The following NTPCR variants were observed in gnomAD, a reference collection of about 807,000 sequenced individuals.
NTPCR encodes the protein nucleoside-triphosphatase, cancer-related, also known as cancer-related nucleoside-triphosphatase.
A neutral mutation model predicts 19.5 loss-of-function variants in NTPCR; 15 were observed. The ratio of observed to expected loss-of-function variants is 0.77; its 90% confidence interval spans 0.51 to 1.18. The LOEUF (loss-of-function observed/expected upper bound fraction) is 1.18. NTPCR is among the 50% of genes most tolerant of loss of function. The pLI is 0.00. For synonymous variants in NTPCR, 90 were observed against 95.8 expected (o/e 0.94, Z 0.36); for missense variants, 206 against 240.4 (o/e 0.86, Z 0.95).
intron 1 of NTPCR, among the ~76,000 whole-genome samples, chr1:232,955,237 A>G (rs1384473697): frequency 6.6e-6 from 1 of 152,204 alleles, no homozygotes; most frequent in South Asian, 2.1e-4. Flanking sequence ...TGCAAATGGC[A>G]TGGGAGAATA....
Position 232,955,579 on chromosome 1 carries a change from C to G in NTPCR, c.57C>G (p.Ile19Met), listed in dbSNP as rs1386923764. ...TAGGAGTTGGAAAAACAACATTGATCCATAAAGCCAGTGAGGTTTTAAAAT... is the reference window on the plus strand; with the variant it reads ...TAGGAGTTGGAAAAACAACATTGATGCATAAAGCCAGTGAGGTTTTAAAAT... ...GPPGVGKTTL[I>M]HKASEVLKSS... is the part of the protein sequence containing the mutation. Residue 19 changes from isoleucine (I) to methionine (M), a missense_variant, in exon 2 of 5, where the codon ATC (isoleucine) becomes ATG (methionine). Physicochemically the swap from Ile to Met is conservative, Grantham distance 10. Transcript: ENST00000366628. The G allele has an allele frequency of 6.3e-7, 1 of 1,591,398 alleles. No homozygotes were observed. Among genetic ancestry groups the G allele is most frequent in the South Asian group, 1.1e-5 (1 of 87,958 alleles).
At chr1:232,964,861 T>C (rs1668768944) in intron 3 of NTPCR, 1 of 152,198 alleles carries the variant, frequency 6.6e-6, no homozygotes, top group Non-Finnish European at 1.5e-5. Flanking sequence ...GCTTAAATAT[T>C]GATGAAAATT....
intron 1 of NTPCR, among the ~76,000 whole-genome samples, chr1:232,952,182 C>CCA (rs1478827065): frequency 2.0e-5 from 3 of 152,086 alleles, no homozygotes; most frequent in African/African-American, 7.2e-5. Context: ...CACAACAGAG[C>CCA]CACATAGTAA....
chr1:232,960,533 G>A (rs573841716), intron 3 of NTPCR, among the ~76,000 whole-genome samples: 72 of 151,848 alleles, frequency 4.7e-4, no homozygotes, highest in African/African-American at 1.7e-3. Context: ...TAGTAGAGAC[G>A]GGGTTTCACC....
chr1:232,961,261 C>G (rs1668662755), intron 3 of NTPCR, among the ~76,000 whole-genome samples: 1 of 152,194 alleles, frequency 6.6e-6, no homozygotes, highest in Non-Finnish European at 1.5e-5. Flanking sequence ...TTTTCTCTAG[C>G]CATGATTGTT....
intron 3 of NTPCR, chr1:232,966,905 A>C (rs1239557006): frequency 6.6e-6 from 1 of 152,366 alleles, no homozygotes; most frequent in African/African-American, 2.4e-5. Flanking sequence ...GGTGCTCCCC[A>C]GTTGGTGTGT....
intron 4 of NTPCR, among the ~76,000 whole-genome samples, chr1:232,973,211 T>C (rs572686974): frequency 2.0e-5 from 3 of 152,284 alleles, no homozygotes; most frequent in Non-Finnish European, 4.4e-5. Context: ...GTGAACAGAG[T>C]ACTTTCCAAT....
At chr1:232,964,926 A>G (rs1230195798) in intron 3 of NTPCR, 1 of 152,168 alleles carries the variant, frequency 6.6e-6, no homozygotes, top group Non-Finnish European at 1.5e-5. Flanking sequence ...ACTGGCAGGA[A>G]GGTGGACATA....
At position 232,979,519 on chromosome 1, in the gene NTPCR, C is replaced by G. The variant is rs1366907612; in HGVS notation, c.*1288C>G. On this transcript the variant is annotated 3_prime_UTR_variant, in exon 5 of 5. Transcript: ENST00000366628. The surrounding 1 kb of genome is among the most constrained non-coding windows in gnomAD (Gnocchi z 5.3). ...TTTCTTCCGAGGTAACTTTGTGAAGCTTGACTTGGACTTGCCTAGCCTTGG... is the reference window on the plus strand; with the variant it reads ...TTTCTTCCGAGGTAACTTTGTGAAGGTTGACTTGGACTTGCCTAGCCTTGG... 6.6e-6 allele frequency: 1 copy of G among 152,398 alleles called. No individual in the cohort carries two copies. The allele number at this position is 152,398 out of a possible 1,614,324, so 9.4% of individuals were successfully genotyped here.
At chr1:232,972,545 C>T (rs1177033009) in intron 4 of NTPCR, among the ~76,000 whole-genome samples, 1 of 152,194 alleles carries the variant, frequency 6.6e-6, no homozygotes, top group Non-Finnish European at 1.5e-5. Context: ...TCCACCTCAG[C>T]CTCCCAAAAA....
chr1:232,955,519 G>A (rs1202372967), intron 1 of NTPCR, 38 bp from the exon 2 acceptor site: 4 of 1,465,406 alleles, frequency 2.7e-6, no homozygotes, highest in African/African-American at 1.5e-5. Flanking sequence ...GTTTCCTAAT[G>A]GGCTTTTCTT....
intron 4 of NTPCR, chr1:232,976,573 C>CA: frequency 1.4e-6 from 2 of 1,475,774 alleles, no homozygotes; most frequent in Non-Finnish European, 1.8e-6. Flanking sequence ...AAAACAGCAT[C>CA]AAAAAGCCTT....
Position 232,970,041 on chromosome 1 carries a change from A to G in NTPCR, c.427A>G (p.Thr143Ala), listed in dbSNP as rs758491590. 4 of 1,614,146 alleles carry G rather than the reference A, an allele frequency of 2.5e-6. No homozygotes were observed. The highest frequency in any genetic ancestry group is 3.4e-6 in the Non-Finnish European group (4 of 1,179,990). ...TACCCCAGGGACTATAATCCTTGGC[A>G]CAATCCCAGTTCCTAAAGGAAAGCC... is the stretch of plus-strand genomic sequence containing the variant. Reference protein sequence around the residue: ...LSTPGTIILGTIPVPKGKPLA... With the variant: ...LSTPGTIILGAIPVPKGKPLA... Residue 143 changes from threonine (T) to alanine (A), a missense_variant, in exon 4 of 5, where the codon ACA becomes GCA. Thr to Ala is a moderately conservative substitution (Grantham distance 58, BLOSUM62 0). Transcript: ENST00000366628.
In NTPCR at chr1:232,956,429, C is replaced by T. The variant is rs1487598586; in HGVS notation, c.280C>T (p.Pro94Ser). 6.2e-7 allele frequency: 1 copy of T among 1,611,126 alleles called. No individual in the cohort carries two copies. The highest frequency in any genetic ancestry group is 2.2e-5 in the East Asian group (1 of 44,884). ...GACTTCTTTTGAGCAGTTGGCACTA[C>T]CCGTCTTGAGGAATGTGAGTACGTG... ...DLTSFEQLAL[P>S]VLRNADCSSG... The change falls in exon 3 of 5, where the codon CCC becomes TCC. Residue 94 changes from proline to serine, a missense_variant. Pro to Ser is a moderately conservative substitution (Grantham distance 74). Coordinates refer to ENST00000366628, the MANE Select transcript of NTPCR (RefSeq NM_032324.3).
In NTPCR at chr1:232,981,944, C is replaced by T. The variant is rs538140900; in HGVS notation, c.*3713C>T. The T allele has an allele frequency of 6.6e-6, 1 of 152,236 alleles. No individual in the cohort carries two copies. Among genetic ancestry groups the T allele is most frequent in the Admixed American group, 6.5e-5 (1 of 15,302 alleles). The allele number at this position is 152,236 out of a possible 1,614,324, so 9.4% of individuals were successfully genotyped here. On this transcript the variant is annotated 3_prime_UTR_variant, in exon 5 of 5. Coordinates refer to ENST00000366628, the MANE Select transcript of NTPCR (RefSeq NM_032324.3). ...ATGTTGGCCAAGCTGGTCTCGAACT[C>T]CTGACCTCATGATTTGCCTGCCTCA...
At chr1:232,950,938 G>A (rs1011046121) in intron 1 of NTPCR, 194 bp downstream of exon 1, 1 of 567,724 alleles carries the variant, frequency 1.8e-6, no homozygotes, top group Non-Finnish European at 3.1e-6. Context: ...AAGACACAGG[G>A]CCTAAAGGAT....
At chr1:232,954,510 A>G (rs74457153) in intron 1 of NTPCR, among the ~76,000 whole-genome samples, 223 of 152,292 alleles carry the variant, frequency 1.5e-3, no homozygotes, top group Non-Finnish European at 2.6e-3. Context: ...CACTTACTTA[A>G]ATCCATATTG....
chr1:232,957,557 T>TA (rs1362171968), intron 3 of NTPCR, among the ~76,000 whole-genome samples: 2 of 152,248 alleles, frequency 1.3e-5, no homozygotes, highest in Non-Finnish European at 2.9e-5. Flanking sequence ...TTTAGTTATT[T>TA]AAATCTTCTC....
chr1:232,955,987 G>C (rs576495871), intron 2 of NTPCR, among the ~76,000 whole-genome samples: 2 of 152,252 alleles, frequency 1.3e-5, no homozygotes, highest in East Asian at 3.9e-4. Context: ...AAAAGTATAA[G>C]AAAGTGATAT....
Sources: gnomAD v4.1 joint callset for allele counts (sites outside exome capture counted in the v4.1 genomes callset) on GRCh38, gnomAD v4.1.1 for gene constraint, Gnocchi (gnomAD v3.1) non-coding constraint, MANE v1.5 for transcripts, NCBI Gene and HGNC (gene_info 2026-07-23, HGNC 2026-07-21) for gene names.